AP3D1: variants seen among roughly 807,000 people sequenced by gnomAD.
AP3D1 encodes AP-3 complex subunit delta-1.
Under a neutral mutation model 147.6 loss-of-function variants are expected in AP3D1, and 51 were observed. The ratio of observed to expected loss-of-function variants is 0.35; its 90% CI spans 0.28 to 0.44. The LOEUF is 0.44. Ranked by LOEUF, AP3D1 falls within the 20% of genes least tolerant of loss-of-function variation. The pLI is 1.00. For synonymous variants in AP3D1, 760 were observed against 663.0 expected, an observed-to-expected ratio of 1.15 and a Z score of -2.25; for missense variants, 1,421 against 1,624.2, an observed-to-expected ratio of 0.87 and a Z score of 2.15.
Position 2,115,427 on chromosome 19 carries a change from C to G in AP3D1, c.2150-9G>C. On this transcript the variant is annotated splice_polypyrimidine_tract_variant and intron_variant, in intron 19 of 31. Coordinates refer to ENST00000643116, the MANE Select transcript of AP3D1 (RefSeq NM_001261826.3). ...ATCTGACATAGGCAGCCCTGCGGGC[C>G]GGCAGCGGGCAGCCACTCAGCACTG... The G allele has an allele frequency of 6.2e-7, 1 of 1,607,430 alleles. No individual in the cohort carries two copies. The highest frequency in any genetic ancestry group is 8.5e-7 in the Non-Finnish European group (1 of 1,179,536).
chr19:2,138,797 C>A (rs1405334942), intron 1 of AP3D1, 83 bp from the exon 2 acceptor site: 1 of 997,940 alleles, frequency 1.0e-6, no homozygotes, highest in African/African-American at 1.6e-5. Context: ...CACAGTGGCT[C>A]ACGCCTGTAA....
intron 1 of AP3D1, among the ~76,000 whole-genome samples, chr19:2,162,907 G>T (rs2019749671): frequency 6.6e-6 from 1 of 151,964 alleles, no homozygotes; most frequent in African/African-American, 2.4e-5. Flanking sequence ...TTGGGGAGGT[G>T]CTGGTGGTGA....
chr19:2,104,156 T>TGAGA (rs2018038233), intron 31 of AP3D1, among the ~76,000 whole-genome samples: 1 of 87,852 alleles, frequency 1.1e-5, no homozygotes, highest in African/African-American at 4.7e-5. Flanking sequence ...ACACCAACAC[T>TGAGA]CAGACTCCAA....
At chr19:2,112,032 G>GGCGGCAA in intron 24 of AP3D1, 1 of 781,376 alleles carries the variant, frequency 1.3e-6, no homozygotes, top group Non-Finnish European at 2.0e-6. Flanking sequence ...GTCTCTGGTT[G>GGCGGCAA]GCGGCAAGCG....
At chr19:2,106,333 G>A (rs535093830) in intron 31 of AP3D1, among the ~76,000 whole-genome samples, 9 of 152,244 alleles carry the variant, frequency 5.9e-5, no homozygotes, top group Non-Finnish European at 1.3e-4. Context: ...CAGATCACCC[G>A]GGGTCAGGAG....
Position 2,116,219 on chromosome 19 carries a change from T to C in AP3D1, c.2061A>G (p.Pro687=), listed in dbSNP as rs371204943. 7 of 1,614,032 alleles carry C rather than the reference T, an allele frequency of 4.3e-6. No individual in the cohort carries two copies. Among genetic ancestry groups the C allele is most frequent in the Middle Eastern group, 3.3e-4 (2 of 6,076 alleles). The part of the protein sequence containing the change: ...ANNPFYIKSS[P]SPQKRYQDTP... ...GGACGGGCCTCACCTTCTGTGGCGA[T>C]GGCGAGCTCTTGATGTAGAAGGGGT... The change falls in exon 18 of 32, where the codon CCA becomes CCG. Residue 687 remains proline (P), a synonymous_variant. Coordinates refer to ENST00000643116, the MANE Select transcript of AP3D1 (RefSeq NM_001261826.3).
At chr19:2,146,904 G>A (rs950164524) in intron 1 of AP3D1, among the ~76,000 whole-genome samples, 4 of 152,226 alleles carry the variant, frequency 2.6e-5, no homozygotes, top group African/African-American at 4.8e-5. Flanking sequence ...CCCCTGGCAC[G>A]GAGTGGGTGG....
intron 8 of AP3D1, among the ~76,000 whole-genome samples, chr19:2,127,832 C>T (rs118001629): frequency 0.013 from 2,007 of 152,302 alleles, 26 homozygotes; most frequent in Middle Eastern, 0.027. Context: ...CAGCCCTTTT[C>T]GGTGTTTCGA....
At chr19:2,140,864 T>G (rs1279396269) in intron 1 of AP3D1, among the ~76,000 whole-genome samples, 2 of 150,678 alleles carry the variant, frequency 1.3e-5, no homozygotes, top group Non-Finnish European at 2.9e-5. Context: ...GTTCAAGTGA[T>G]TCTCCTGGCT....
Position 2,132,468 on chromosome 19 carries a change from C to T in AP3D1, c.462+3G>A. The T allele has an allele frequency of 6.2e-7, 1 of 1,602,296 alleles. No individual in the cohort carries two copies. The highest frequency in any genetic ancestry group is 8.5e-7 in the Non-Finnish European group (1 of 1,170,310). On this transcript the variant is annotated splice_donor_region_variant and intron_variant, in intron 5 of 31. Transcript: ENST00000643116. ...GGGGTGGTGGGCAGGCTTACAAACT[C>T]ACCAGTGTCATGATGTCATTTGCCA...
chr19:2,111,617 G>T, intron 25 of AP3D1, 62 bp downstream of exon 25: 8 of 1,514,158 alleles, frequency 5.3e-6, no homozygotes, highest in Non-Finnish European at 7.1e-6. Flanking sequence ...GCAGGAGTGG[G>T]GAGCAGCGCA....
chr19:2,111,365 G>T, intron 25 of AP3D1, 33 bp from the exon 26 acceptor site: 1 of 1,613,372 alleles, frequency 6.2e-7, no homozygotes, highest in Non-Finnish European at 8.5e-7. Flanking sequence ...AGCCTTGGGG[G>T]CCCCGAGCTC....
At chr19:2,135,100 C>T (rs2019043570) in intron 4 of AP3D1, among the ~76,000 whole-genome samples, 1 of 152,014 alleles carries the variant, frequency 6.6e-6, no homozygotes, top group African/African-American at 2.4e-5. Context: ...ACTTGGGAGG[C>T]TGACGCAGGA....
Position 2,115,771 on chromosome 19 carries a change from A to AT in AP3D1, c.2074-159dup, listed in dbSNP as rs1599452192. 2.6e-5 allele frequency among the ~76,000 whole-genome samples: 4 copies of AT among 152,376 alleles called. No individual in the cohort carries two copies. In the East Asian group the frequency reaches 7.7e-4, roughly 29 times the overall value. ...CGCGAGGAGCGCCGTGAGCGAGCGC[A>AT]TCCCGAGGACCCGACTCTTTAAGAC... On this transcript the variant is annotated intron_variant, in intron 18 of 31. Transcript: ENST00000643116.
rs756746185 is a variant in AP3D1, at chr19:2,116,250, G to A, written c.2030C>T (p.Ala677Val). 6.2e-7 allele frequency: 1 copy of A among 1,614,002 alleles called. No homozygotes were observed. Among genetic ancestry groups the A allele is most frequent in the Non-Finnish European group, 8.5e-7 (1 of 1,180,006 alleles). ...RRREARKQEQ[A>V]NNPFYIKSSP... ...GCTCTTGATGTAGAAGGGGTTGTTG[G>A]CCTGCTCCTGCTTCCGGGCCTCTCG... The change falls in exon 18 of 32, where the codon GCC becomes GTC. Residue 677 changes from alanine to valine, a missense_variant. Around this residue, in one of 6 missense-constraint regions of AP3D1, gnomAD observed 791 missense variants for 761.4 expected, o/e 1.04. Coordinates refer to ENST00000643116, the MANE Select transcript of AP3D1 (RefSeq NM_001261826.3).
At chr19:2,137,919 C>A in intron 2 of AP3D1, 112 bp from the exon 3 acceptor site, 2 of 906,744 alleles carry the variant, frequency 2.2e-6, no homozygotes, top group Non-Finnish European at 1.7e-6. Flanking sequence ...CAGACTCATT[C>A]ACTGTCAGCA....
At chr19:2,114,886 T>A in intron 20 of AP3D1, 65 bp from the exon 21 acceptor site, 3 of 1,567,764 alleles carry the variant, frequency 1.9e-6, no homozygotes, top group Non-Finnish European at 2.6e-6. Context: ...ACGCCATCTA[T>A]CTGGGACGCA....
chr19:2,127,678 C>T (rs1212012006), intron 8 of AP3D1, among the ~76,000 whole-genome samples: 2 of 152,196 alleles, frequency 1.3e-5, no homozygotes, highest in Non-Finnish European at 2.9e-5. Context: ...GCGTGCACCA[C>T]CACGCCCGGC....
intron 1 of AP3D1, among the ~76,000 whole-genome samples, chr19:2,150,829 G>A (rs984923578): frequency 6.6e-6 from 1 of 152,224 alleles, no homozygotes; most frequent in Non-Finnish European, 1.5e-5. Context: ...GGTTGAAGAA[G>A]CTCTGCCCAG....
Sources: allele counts gnomAD v4.1 joint callset (sites outside exome capture counted in the v4.1 genomes callset), GRCh38; gene constraint gnomAD v4.1.1; regional missense constraint gnomAD v4.1.1; transcripts MANE v1.5; gene names NCBI Gene and HGNC (gene_info 2026-07-23, HGNC 2026-07-21).